The following PHLPP2 variants were observed in gnomAD, a reference collection of about 807,000 sequenced individuals.
The protein encoded by PHLPP2 is PH domain leucine-rich repeat-containing protein phosphatase 2.
A neutral mutation model predicts 124.9 loss-of-function variants in PHLPP2; 66 were observed. That is an observed-to-expected ratio of 0.53 (90% confidence interval 0.43 to 0.65). PHLPP2 has a LOEUF of 0.65. Ranked by LOEUF, PHLPP2 falls within the 30% of genes least tolerant of loss-of-function variation. The pLI is 0.00. For synonymous variants in PHLPP2, 681 were observed against 624.7 expected, an observed-to-expected ratio of 1.09 and a Z score of -1.34; for missense variants, 1,685 against 1,600.4, an observed-to-expected ratio of 1.05 and a Z score of -0.90.
chr16:71,708,062 G>T (rs2045292157), intron 2 of PHLPP2, among the ~76,000 whole-genome samples: 1 of 152,138 alleles, frequency 6.6e-6, no homozygotes, highest in South Asian at 2.1e-4. Flanking sequence ...TTTCTTTAAG[G>T]TGTCCACGCC....
rs532141888 is a variant in PHLPP2 at position 71,685,864 on chromosome 16, A to C, written c.610-1263T>G. Among the ~76,000 whole-genome samples the C allele has an allele frequency of 4.2e-4, 64 of 152,338 alleles. 1 individual carries two copies. The South Asian group carries it at 0.013, about 31-fold the overall frequency. On this transcript the variant is annotated intron_variant, in intron 4 of 18. Coordinates refer to ENST00000568954, the MANE Select transcript of PHLPP2 (RefSeq NM_015020.3). ...TTAATTTCTGTATTACAGATGTTGA[A>C]ATTATATTGTTACATATATATAACT... is the stretch of plus-strand genomic sequence containing the variant.
chr16:71,669,281 G>C lies in PHLPP2; in HGVS notation c.1622C>G (p.Pro541Arg). The stretch of plus-strand genomic sequence containing the variant: ...TGCATCCAGGCACACATACCTCACG[G>C]GAACCTCTGTGAGAAGATTATAGCT... ...DVSYNLLTEV[P>R]VRILSSLSLR... Residue 541 changes from proline (P) to arginine (R), a missense_variant, in exon 11 of 19, where the codon CCC (proline) becomes CGC (arginine). Pro to Arg is a moderately radical substitution (Grantham distance 103). Transcript: ENST00000568954. 1.2e-6 allele frequency: 2 copies of C among 1,606,400 alleles called. No homozygotes were observed. The highest frequency in any genetic ancestry group is 1.7e-6 in the Non-Finnish European group (2 of 1,174,492).
chr16:71,705,306 A>G (rs920150917), intron 2 of PHLPP2, among the ~76,000 whole-genome samples: 5 of 152,210 alleles, frequency 3.3e-5, no homozygotes, highest in African/African-American at 9.6e-5. Flanking sequence ...ATAATTCCAT[A>G]TAAGGACCAC....
rs1193478858 is a variant in PHLPP2, at chr16:71,648,778, A to G, written c.*112T>C. 1.2e-6 allele frequency: 1 copy of G among 836,468 alleles called. No individual in the cohort carries two copies. Among genetic ancestry groups the G allele is most frequent in the Non-Finnish European group, 1.9e-6 (1 of 526,042 alleles). 51.8% of individuals were successfully genotyped at this position (836,468 alleles called of 1,614,324 possible). A position where few individuals can be genotyped will look rare whatever the true frequency, so the allele number is the denominator to read the frequency against. On this transcript the variant is annotated 3_prime_UTR_variant, in exon 19 of 19. Coordinates refer to ENST00000568954, the MANE Select transcript of PHLPP2 (RefSeq NM_015020.3). ...TGAGCAAGACTCCGTCTCAAAACAA[A>G]CAAACAAAAAAAAAACGAACAAACA...
chr16:71,654,656 G>C (rs2044727056), intron 17 of PHLPP2, among the ~76,000 whole-genome samples: 1 of 152,188 alleles, frequency 6.6e-6, no homozygotes, highest in African/African-American at 2.4e-5. Flanking sequence ...GCTAGGTGAA[G>C]CCATGATGTT....
At position 71,684,208 on chromosome 16, in the gene PHLPP2, C is replaced by A. The variant is rs911311948; in HGVS notation, c.735+268G>T. On this transcript the variant is annotated intron_variant, in intron 5 of 18. Coordinates refer to ENST00000568954, the MANE Select transcript of PHLPP2 (RefSeq NM_015020.3). ...TGGCGCGATGTCGGCTCACTGCAAC[C>A]TCTACCTCCCGGATTCAAGCGATTC... is the stretch of plus-strand genomic sequence containing the variant. 4.0e-5 allele frequency among the ~76,000 whole-genome samples: 6 copies of A among 151,038 alleles called. No homozygotes were observed. The East Asian group carries it at 1.2e-3, about 29-fold the overall frequency.
At chr16:71,672,533 C>A (rs74363086) in intron 9 of PHLPP2, among the ~76,000 whole-genome samples, 2,230 of 152,324 alleles carry the variant, frequency 0.015, 40 homozygotes, top group African/African-American at 0.049. Flanking sequence ...ATTGAAGGAT[C>A]CTGTGTACTG....
chr16:71,716,498 T>A (rs994564457), intron 1 of PHLPP2, among the ~76,000 whole-genome samples: 1 of 152,236 alleles, frequency 6.6e-6, no homozygotes, highest in Non-Finnish European at 1.5e-5. Flanking sequence ...ATAACAAGTT[T>A]CTAAAGATCA....
At chr16:71,675,539 TA>T (rs1377894681) in intron 9 of PHLPP2, among the ~76,000 whole-genome samples, 2 of 152,354 alleles carry the variant, frequency 1.3e-5, no homozygotes, top group East Asian at 3.9e-4. Context: ...GTAAACATTT[TA>T]GGCTTTGCGG....
chr16:71,709,753 C>T (rs1468197488), intron 2 of PHLPP2, among the ~76,000 whole-genome samples: 1 of 152,224 alleles, frequency 6.6e-6, no homozygotes, highest in African/African-American at 2.4e-5. Context: ...AGGGAAATGG[C>T]CTCAGTGATT....
In PHLPP2 at chr16:71,679,408, G is replaced by C. The variant is rs374114272; in HGVS notation, c.1018C>G (p.Gln340Glu). 1.2e-6 allele frequency: 2 copies of C among 1,613,778 alleles called. No individual in the cohort carries two copies. The highest frequency in any genetic ancestry group is 1.7e-6 in the Non-Finnish European group (2 of 1,179,822). The change falls in exon 7 of 19, where the codon CAA (glutamine) becomes GAA (glutamate). Residue 340 changes from glutamine to glutamate, a missense_variant. Transcript: ENST00000568954. ...SCNGFHDLPSQIGNLLNLQTL... is the reference protein window; with the variant it reads ...SCNGFHDLPSEIGNLLNLQTL... ...ACTTACTTTAGCAGATTGCCAATTT[G>C]ACTTGGTAGGTCATGAAATCCATTA...
chr16:71,683,358 A>C (rs1204908910), intron 5 of PHLPP2, among the ~76,000 whole-genome samples: 3 of 152,208 alleles, frequency 2.0e-5, no homozygotes, highest in Admixed American at 2.0e-4. Context: ...TCCTTGGCAT[A>C]TAGGAATAAT....
chr16:71,651,921 A>G (rs1014571680), intron 18 of PHLPP2, among the ~76,000 whole-genome samples: 6 of 152,248 alleles, frequency 3.9e-5, no homozygotes, highest in African/African-American at 1.4e-4. Flanking sequence ...TGTAAAACAC[A>G]AAACTAAACT....
rs774135919 is a variant in PHLPP2, at chr16:71,679,568, T to C, written c.891-33A>G. 8 of 1,585,094 alleles carry C rather than the reference T, an allele frequency of 5.0e-6. No homozygotes were observed. The Admixed American group carries it at 6.7e-5, about 13-fold the overall frequency. ...GCAAAGGCAAAAATGGGTATTGCAT[T>C]TCAATACATCTATTACTGTATCTTT... is the stretch of plus-strand genomic sequence containing the variant. On this transcript the variant is annotated intron_variant, in intron 6 of 18. Coordinates refer to ENST00000568954, the MANE Select transcript of PHLPP2 (RefSeq NM_015020.3).
intron 4 of PHLPP2, among the ~76,000 whole-genome samples, chr16:71,684,895 C>A (rs558501350): frequency 1.1e-4 from 17 of 152,166 alleles, no homozygotes; most frequent in Admixed American, 4.6e-4. Context: ...CCACTATGTC[C>A]CCCTTACTGC....
intron 18 of PHLPP2, among the ~76,000 whole-genome samples, chr16:71,652,281 A>G (rs1040140808): frequency 1.3e-5 from 2 of 152,254 alleles, no homozygotes; most frequent in South Asian, 2.1e-4. Flanking sequence ...AGTAATTGCT[A>G]AAGTTCTTCT....
At position 71,656,603 on chromosome 16, in the gene PHLPP2, A is replaced by G; in HGVS notation, c.2358T>C (p.His786=). The G allele has an allele frequency of 4.3e-6, 7 of 1,612,594 alleles. No homozygotes were observed. The highest frequency in any genetic ancestry group is 5.9e-6 in the Non-Finnish European group (7 of 1,178,680). The change falls in exon 16 of 19, where the codon CAT becomes CAC. Residue 786 remains histidine (H), a synonymous_variant. Transcript: ENST00000568954. ...DSTVTSTFWS[H]GLAEMAGQRN... ...TCTGCCCTGCCATCTCAGCCAGTCC[A>G]TGGCTCCAGAAGGTTGACGTAACTG... is the stretch of plus-strand genomic sequence containing the variant.
chr16:71,674,685 C>T (rs1441311458), intron 9 of PHLPP2, among the ~76,000 whole-genome samples: 1 of 152,062 alleles, frequency 6.6e-6, no homozygotes, highest in African/African-American at 2.4e-5. Context: ...TACCGATTTG[C>T]CCATTTTCCT....
At chr16:71,661,791 A>G (rs1477386078) in intron 13 of PHLPP2, among the ~76,000 whole-genome samples, 2 of 152,038 alleles carry the variant, frequency 1.3e-5, no homozygotes, top group Admixed American at 6.6e-5. Context: ...CCTGGACAAC[A>G]CAGCGAGATC....
Sources: gnomAD v4.1 joint callset for allele counts (sites outside exome capture counted in the v4.1 genomes callset) on GRCh38, gnomAD v4.1.1 for gene constraint, MANE v1.5 for transcripts, NCBI Gene and HGNC (gene_info 2026-07-23, HGNC 2026-07-21) for gene names.